Variants in TET1 observed in about 807,000 individuals in gnomAD.
TET1 encodes the protein methylcytosine dioxygenase TET1.
In TET1, 13 loss-of-function variants were observed where a neutral mutation model predicts 148.7. That is an observed-to-expected ratio of 0.09 (90% CI 0.06 to 0.14). TET1 has a LOEUF of 0.14. Ranked by LOEUF, TET1 falls within the 10% of genes least tolerant of loss-of-function variation. TET1 has a pLI of 1.00. For missense variants in TET1, 2,182 were observed against 2,553.8 expected, an observed-to-expected ratio of 0.85 and a Z score of 3.14; for synonymous variants, 907 against 937.2, an observed-to-expected ratio of 0.97 and a Z score of 0.59.
At chr10:68,680,313 A>G (rs1334917332) in intron 8 of TET1, among the ~76,000 whole-genome samples, 2 of 152,104 alleles carry the variant, frequency 1.3e-5, no homozygotes, top group African/African-American at 2.4e-5. Context: ...CGAAAGCCTC[A>G]CTCACCCTGT....
In TET1 at chr10:68,617,006, C is replaced by CTTT. The variant is rs71019039; in HGVS notation, c.1968+16008_1968+16010dup. 1.0e-4 allele frequency among the ~76,000 whole-genome samples: 4 copies of CTTT among 39,614 alleles called. 1 individual carries two copies. Among genetic ancestry groups the CTTT allele is most frequent in the Non-Finnish European group, 1.4e-4 (3 of 22,018 alleles). The allele number at this position is 39,614 out of a possible 152,430, so 26.0% of individuals were successfully genotyped here. On this transcript the variant is annotated intron_variant, in intron 3 of 11. Coordinates refer to ENST00000373644, the MANE Select transcript of TET1 (RefSeq NM_030625.3). ...ACAGGCATGAGCCACCGCGCCTGGC[C>CTTT]TTTTTTTTTTTTTTTTTTTTTTTTT...
At position 68,691,433 on chromosome 10, in the gene TET1, C is replaced by T. The variant is rs533159632; in HGVS notation, c.6030C>T (p.Ala2010=). 1.2e-6 allele frequency: 2 copies of T among 1,614,110 alleles called. No homozygotes were observed. The highest frequency in any genetic ancestry group is 1.7e-5 in the Admixed American group (1 of 60,004). Residue 2010 remains alanine, a synonymous_variant, in exon 12 of 12, where the codon GCC becomes GCT. Transcript: ENST00000373644. This position sits in a 1 kb window ranked among gnomAD's most constrained non-coding sequence, Gnocchi z 4.4. ...TGGATGCAAATATTGGTGGGGTGGC[C>T]ATCGCACCTGCTCACGGCTCGGTTT... The part of the protein sequence containing the change: ...IFLDANIGGV[A]IAPAHGSVLI...
chr10:68,664,361 T>C (rs2055165137), intron 6 of TET1, among the ~76,000 whole-genome samples: 1 of 151,992 alleles, frequency 6.6e-6, no homozygotes, highest in Non-Finnish European at 1.5e-5. Context: ...ATGTCAAATA[T>C]ATGTCATGTA....
In TET1 at chr10:68,646,377, G is replaced by C. The variant is rs144122659; in HGVS notation, c.3648G>C (p.Ser1216=). 7 of 1,613,936 alleles carry C rather than the reference G, an allele frequency of 4.3e-6. No homozygotes were observed. The South Asian group carries it at 6.6e-5, about 15-fold the overall frequency. ...FPTVFGKISS[S]TKIWKPLAQT... ...CTGTATTTGGGAAAATTTCTTCCTC[G>C]ACCAAAATATGGAAACCACTGGCTC... The change falls in exon 4 of 12, where the codon TCG becomes TCC. Residue 1216 remains serine, a synonymous_variant. Coordinates refer to ENST00000373644, the MANE Select transcript of TET1 (RefSeq NM_030625.3).
At chr10:68,581,602 G>A (rs754655355) in intron 2 of TET1, among the ~76,000 whole-genome samples, 3 of 152,150 alleles carry the variant, frequency 2.0e-5, no homozygotes, top group Non-Finnish European at 2.9e-5. Context: ...ACCACTTTAG[G>A]AGGCCGTGGC....
chr10:68,567,574 A>G (rs2053621245), intron 1 of TET1, among the ~76,000 whole-genome samples: 1 of 151,766 alleles, frequency 6.6e-6, no homozygotes, highest in African/African-American at 2.4e-5. Flanking sequence ...GATTACAGGC[A>G]TGAGCCACTG....
chr10:68,573,116 G>A lies in TET1; in HGVS notation c.778G>A (p.Val260Ile), dbSNP rs1387953048. The A allele has an allele frequency of 3.1e-6, 5 of 1,613,996 alleles. No homozygotes were observed. The highest frequency in any genetic ancestry group is 4.5e-5 in the East Asian group (2 of 44,890). ...TTTTCCCCAAAGAGCAACCCCCAAA[G>A]TTACCTCTCAAGGAAACCCCAGCAT... The part of the protein sequence containing the change: ...APFPQRATPK[V>I]TSQGNPSIQL... Residue 260 changes from valine to isoleucine, a missense_variant, in exon 2 of 12, where the codon GTT becomes ATT. Val to Ile is a conservative substitution (Grantham distance 29, BLOSUM62 3). This residue lies in a region of TET1 where 665 missense variants were observed against 672.4 expected (regional missense o/e 0.99). Transcript: ENST00000373644.
intron 3 of TET1, among the ~76,000 whole-genome samples, chr10:68,631,094 C>A (rs1264424978): frequency 6.6e-6 from 1 of 152,044 alleles, no homozygotes; most frequent in Non-Finnish European, 1.5e-5. Context: ...GGAGGAGACT[C>A]GAACCCAGGA....
chr10:68,573,829 A>G lies in TET1; in HGVS notation c.1491A>G (p.Val497=), dbSNP rs1239386312. The G allele has an allele frequency of 6.2e-7, 1 of 1,614,132 alleles. No homozygotes were observed. The change falls in exon 2 of 12, where the codon GTA becomes GTG. Residue 497 remains valine (V), a synonymous_variant. Transcript: ENST00000373644. ...SLPPVMAISN[V]ENEKQVHISF... ...CTCCAGTAATGGCTATAAGCAATGT[A>G]GAAAATGAGAAGCAGGTTCATATAA...
chr10:68,662,498 C>T (rs1589121484), intron 6 of TET1, among the ~76,000 whole-genome samples: 1 of 149,752 alleles, frequency 6.7e-6, no homozygotes, highest in Non-Finnish European at 1.5e-5. Flanking sequence ...TTATTTCTTC[C>T]ATGAATTCAC....
At chr10:68,595,671 C>T (rs1478395827) in intron 2 of TET1, among the ~76,000 whole-genome samples, 6 of 122,736 alleles carry the variant, frequency 4.9e-5, no homozygotes, top group Admixed American at 9.9e-5. Context: ...GGCTGGAGTG[C>T]GGTGGTGTGA....
chr10:68,563,593 T>C (rs768157603), intron 1 of TET1, among the ~76,000 whole-genome samples: 4 of 152,212 alleles, frequency 2.6e-5, no homozygotes, highest in Non-Finnish European at 5.9e-5. Context: ...CAGTTAAGCA[T>C]TTTTGCCCAG....
intron 3 of TET1, among the ~76,000 whole-genome samples, chr10:68,624,099 C>T (rs12249173): frequency 4.1e-5 from 6 of 148,028 alleles, no homozygotes; most frequent in African/African-American, 9.9e-5. Flanking sequence ...TTCTTTCTTT[C>T]TTTTCTTTTT....
intron 4 of TET1, among the ~76,000 whole-genome samples, chr10:68,648,268 G>A (rs751240629): frequency 1.3e-5 from 2 of 152,178 alleles, no homozygotes; most frequent in Non-Finnish European, 2.9e-5. Context: ...AATTTCCTCA[G>A]TATTTGAAAC....
rs943388997 is a variant in TET1, at chr10:68,691,347, C to T, written c.5944C>T (p.Pro1982Ser). 3 of 1,614,216 alleles carry T rather than the reference C, an allele frequency of 1.9e-6. No homozygotes were observed. Among genetic ancestry groups the T allele is most frequent in the Admixed American group, 3.3e-5 (2 of 60,024 alleles). Reference sequence around the variant, plus strand: ...ACCCCTATCTGATGACCCCCTGTCACCTGCTGAGGAGAAATTGCCCCACAT... The same window carrying T: ...ACCCCTATCTGATGACCCCCTGTCATCTGCTGAGGAGAAATTGCCCCACAT... The part of the protein sequence containing the change: ...DEPLSDDPLS[P>S]AEEKLPHIDE... Residue 1982 changes from proline to serine, a missense_variant, in exon 12 of 12, where the codon CCT becomes TCT. By Grantham distance (74) the Pro-to-Ser change is moderately conservative. Around this residue, in one of 11 missense-constraint regions of TET1, gnomAD observed 380 missense variants for 387.9 expected, o/e 0.98. Transcript: ENST00000373644. This position sits in a 1 kb window ranked among gnomAD's most constrained non-coding sequence, Gnocchi z 4.4.
At chr10:68,632,920 A>G (rs1267776914) in intron 3 of TET1, among the ~76,000 whole-genome samples, 1 of 151,832 alleles carries the variant, frequency 6.6e-6, no homozygotes, top group Admixed American at 6.6e-5. Flanking sequence ...ACTCTTAAGG[A>G]GCATTTAAAT....
intron 3 of TET1, among the ~76,000 whole-genome samples, chr10:68,610,483 C>A (rs988419501): frequency 6.6e-6 from 1 of 151,034 alleles, no homozygotes; most frequent in African/African-American, 2.4e-5. Flanking sequence ...CCCAGCTACT[C>A]GGGAAGCTGA....
chr10:68,572,668 T>C lies in TET1; in HGVS notation c.330T>C (p.Ser110=). The part of the protein sequence containing the change: ...NGFTMALRST[S]LSRRLSQPPL... ...TTACAATGGCGCTACGAAGCACCTCTCTTAGCAGGCGACTCTCCCAACCCC... is the reference window on the plus strand; with the variant it reads ...TTACAATGGCGCTACGAAGCACCTCCCTTAGCAGGCGACTCTCCCAACCCC... The change falls in exon 2 of 12, where the codon TCT becomes TCC. Residue 110 remains serine (S), a synonymous_variant. Coordinates refer to ENST00000373644, the MANE Select transcript of TET1 (RefSeq NM_030625.3). 1 of 1,614,144 alleles carries C rather than the reference T, an allele frequency of 6.2e-7. No homozygotes were observed. Among genetic ancestry groups the C allele is most frequent in the Non-Finnish European group, 8.5e-7 (1 of 1,180,024 alleles).
At chr10:68,569,166 C>CTTGTTTTTTTTTTTTTTTTTTT (rs2053639267) in intron 1 of TET1, among the ~76,000 whole-genome samples, 2 of 69,766 alleles carry the variant, frequency 2.9e-5, no homozygotes, top group Non-Finnish European at 5.3e-5. Context: ...AGGAGAGTTT[C>CTTGTTTTTTTTTTTTTTTTTTT]TTTTTTTTTT....
Sources: allele counts gnomAD v4.1 joint callset (sites outside exome capture counted in the v4.1 genomes callset), GRCh38; gene constraint gnomAD v4.1.1; regional missense constraint gnomAD v4.1.1; non-coding constraint Gnocchi (gnomAD v3.1); transcripts MANE v1.5; gene names NCBI Gene and HGNC (gene_info 2026-07-23, HGNC 2026-07-21).